ZFP82: variants seen among roughly 807,000 people sequenced by gnomAD.
ZFP82 encodes ZFP82 zinc finger protein, also known as zinc finger protein 82 homolog.
In ZFP82, 30 loss-of-function variants were observed where a neutral mutation model predicts 54.0. The ratio of observed to expected loss-of-function variants is 0.56; its 90% confidence interval spans 0.42 to 0.75. The LOEUF (loss-of-function observed/expected upper bound fraction) is 0.75. Among genes scored for constraint, ZFP82 ranks in the 30% least tolerant of loss-of-function variants. ZFP82 has a pLI of 0.00. For missense variants in ZFP82, 500 were observed against 636.8 expected, an observed-to-expected ratio of 0.79 and a Z score of 2.31; for synonymous variants, 194 against 209.5, an observed-to-expected ratio of 0.93 and a Z score of 0.64.
chr19:36,417,072 C>CAAAAA (rs140495874), intron 1 of ZFP82, among the ~76,000 whole-genome samples: 39 of 65,652 alleles, frequency 5.9e-4, no homozygotes, highest in Admixed American at 4.5e-4. Flanking sequence ...GACCCTGTCT[C>CAAAAA]AAAAAAAAAA....
chr19:36,409,764 A>G lies in ZFP82; in HGVS notation c.9+17T>C. 1 of 1,613,612 alleles carries G rather than the reference A, an allele frequency of 6.2e-7. No individual in the cohort carries two copies. Among genetic ancestry groups the G allele is most frequent in the Admixed American group, 1.7e-5 (1 of 59,992 alleles). ...ACCTTAACATGATAGTATTCCTAGGAGGAGAAAAAAACTTACAAGGGCCAT... is the reference window on the plus strand; with the variant it reads ...ACCTTAACATGATAGTATTCCTAGGGGGAGAAAAAAACTTACAAGGGCCAT... On this transcript the variant is annotated intron_variant, in intron 2 of 4. Coordinates refer to ENST00000392161, the MANE Select transcript of ZFP82 (RefSeq NM_133466.4).
intron 4 of ZFP82, among the ~76,000 whole-genome samples, chr19:36,401,938 C>G (rs575521066): frequency 1.4e-4 from 22 of 152,144 alleles, no homozygotes; most frequent in Non-Finnish European, 7.3e-5. Flanking sequence ...CATCTGTCCA[C>G]TTTTCTGAAG....
In ZFP82 at chr19:36,393,706, G is replaced by A; in HGVS notation, c.634C>T (p.His212Tyr). The change falls in exon 5 of 5, where the codon CAC becomes TAC. Residue 212 changes from histidine (H) to tyrosine (Y), a missense_variant. Physicochemically the swap from His to Tyr is moderately conservative, Grantham distance 83. Coordinates refer to ENST00000392161, the MANE Select transcript of ZFP82 (RefSeq NM_133466.4). ...ECGMAFRQTA[H>Y]LTRHQRLHSG... ...TGAAGTCTCTGATGTCGAGTAAGGT[G>A]TGCAGTCTGTCTGAAGGCCATCCCA... is the stretch of plus-strand genomic sequence containing the variant. 1 of 1,614,084 alleles carries A rather than the reference G, an allele frequency of 6.2e-7. No homozygotes were observed. Among genetic ancestry groups the A allele is most frequent in the Non-Finnish European group, 8.5e-7 (1 of 1,180,032 alleles).
chr19:36,402,468 C>CAAAAAAAAAAAAA (rs377338348), intron 4 of ZFP82, among the ~76,000 whole-genome samples: 1,166 of 57,336 alleles, frequency 0.02, 221 homozygotes, highest in Non-Finnish European at 0.027. Flanking sequence ...GACTCCATCT[C>CAAAAAAAAAAAAA]AAAAAAAAAA....
intron 1 of ZFP82, among the ~76,000 whole-genome samples, chr19:36,410,426 T>A (rs2032557230): frequency 1.0e-5 from 1 of 99,120 alleles, no homozygotes; most frequent in African/African-American, 3.6e-5. Flanking sequence ...TTGGGTGTTA[T>A]ATATGTATGT....
chr19:36,393,233 C>T lies in ZFP82; in HGVS notation c.1107G>A (p.Lys369=), dbSNP rs563025626. 6.2e-7 allele frequency: 1 copy of T among 1,613,922 alleles called. No homozygotes were observed. The highest frequency in any genetic ancestry group is 2.2e-5 in the East Asian group (1 of 44,870). The part of the protein sequence containing the change: ...IHTGEKPYEC[K]ECGKTFSRGY... ...CACGGCTAAAGGTCTTTCCACATTC[C>T]TTACATTCATAGGGTTTCTCACCAG... is the stretch of plus-strand genomic sequence containing the variant. Residue 369 remains lysine, a synonymous_variant, in exon 5 of 5, where the codon AAG becomes AAA. Coordinates refer to ENST00000392161, the MANE Select transcript of ZFP82 (RefSeq NM_133466.4).
At chr19:36,396,802 C>T (rs1223651346) in intron 4 of ZFP82, among the ~76,000 whole-genome samples, 2 of 150,400 alleles carry the variant, frequency 1.3e-5, no homozygotes, top group East Asian at 3.9e-4. Flanking sequence ...GTCTATGCCA[C>T]TGCACTCTGG....
intron 4 of ZFP82, among the ~76,000 whole-genome samples, chr19:36,397,205 G>C (rs2032310912): frequency 6.6e-6 from 1 of 150,538 alleles, no homozygotes; most frequent in African/African-American, 2.4e-5. Flanking sequence ...CAATCCTCCT[G>C]CCTCAGCCTC....
At chr19:36,414,358 A>C (rs1283022550) in intron 1 of ZFP82, among the ~76,000 whole-genome samples, 1 of 146,304 alleles carries the variant, frequency 6.8e-6, no homozygotes, top group Non-Finnish European at 1.5e-5. Context: ...TGAAAATGTA[A>C]TTCTACTTTT....
intron 4 of ZFP82, among the ~76,000 whole-genome samples, chr19:36,397,384 C>A (rs1190386244): frequency 1.3e-5 from 2 of 151,390 alleles, no homozygotes; most frequent in East Asian, 3.9e-4. Context: ...TGAGCCACCG[C>A]GCCTGGCCTC....
chr19:36,393,487 TAC>T lies in ZFP82; in HGVS notation c.851_852del (p.Cys284Ter), dbSNP rs1372527772. 1 of 1,614,162 alleles carries T rather than the reference TAC, an allele frequency of 6.2e-7. No individual in the cohort carries two copies. ...TGTCTAAAGGCTTTTCCACACTCTT[TAC>T]ACACATAGGGTTTCTCACCAGTATG... is the stretch of plus-strand genomic sequence containing the variant. ...RIHTGEKPYVCKECGKAFRQY... is the reference protein window; with the variant it reads ...RIHTGEKPYVXKECGKAFRQY... On this transcript the variant is annotated frameshift_variant, in exon 5 of 5. Transcript: ENST00000392161. LOFTEE classifies it high-confidence loss of function.
chr19:36,385,448 A>G (rs902084636), downstream of ZFP82, among the ~76,000 whole-genome samples: 2 of 152,248 alleles, frequency 1.3e-5, no homozygotes, highest in African/African-American at 4.8e-5. Flanking sequence ...CGCAGTTGCT[A>G]TAATGAATAA....
chr19:36,410,282 G>A (rs1257697787), intron 1 of ZFP82, among the ~76,000 whole-genome samples: 3 of 152,144 alleles, frequency 2.0e-5, no homozygotes, highest in African/African-American at 7.2e-5. Flanking sequence ...GTCAGAATCA[G>A]AATCATCCAC....
chr19:36,394,157 A>C, intron 4 of ZFP82, 47 bp from the exon 5 acceptor site: 1 of 1,486,970 alleles, frequency 6.7e-7, no homozygotes, highest in Non-Finnish European at 9.1e-7. Context: ...CTTTTACTAA[A>C]AGAAGCAACA....
Position 36,405,573 on chromosome 19 carries a change from C to A in ZFP82, c.229+7G>T. 6.2e-7 allele frequency: 1 copy of A among 1,605,700 alleles called. No individual in the cohort carries two copies. The highest frequency in any genetic ancestry group is 8.5e-7 in the Non-Finnish European group (1 of 1,173,984). On this transcript the variant is annotated splice_region_variant and intron_variant, in intron 4 of 4. Transcript: ENST00000392161. ...TGATGGCTTCTTCCTGCCCAACTAGCCCTCACCTGGATATTGTCTTCTTCC... is the reference window on the plus strand; with the variant it reads ...TGATGGCTTCTTCCTGCCCAACTAGACCTCACCTGGATATTGTCTTCTTCC...
At chr19:36,385,440 C>T (rs943384326), downstream of ZFP82, among the ~76,000 whole-genome samples, 2 of 152,170 alleles carry the variant, frequency 1.3e-5, no homozygotes, top group African/African-American at 4.8e-5. Context: ...GAAAAGTACG[C>T]AGTTGCTATA....
chr19:36,412,144 A>T (rs1010113667), intron 1 of ZFP82, among the ~76,000 whole-genome samples: 4 of 152,114 alleles, frequency 2.6e-5, no homozygotes, highest in African/African-American at 9.7e-5. Flanking sequence ...AAAATACACA[A>T]GGACATATAA....
chr19:36,397,457 A>C (rs955228626), intron 4 of ZFP82, among the ~76,000 whole-genome samples: 3 of 152,180 alleles, frequency 2.0e-5, no homozygotes, highest in Admixed American at 6.5e-5. Context: ...ACAGCAAGAA[A>C]GCACAGACAT....
At position 36,392,940 on chromosome 19, in the gene ZFP82, A is replaced by G; in HGVS notation, c.1400T>C (p.Leu467Pro). The change falls in exon 5 of 5, where the codon CTA (leucine) becomes CCA (proline). Residue 467 changes from leucine (L) to proline (P), a missense_variant. Leu to Pro is a moderately conservative substitution (Grantham distance 98). Transcript: ENST00000392161. The part of the protein sequence containing the change: ...KAFRLRQKLT[L>P]HQSIHTGEKP... Reference sequence around the variant, plus strand: ...TTCGCCAGTATGAATGCTCTGATGTAGAGTAAGTTTTTGGCGCAATCTAAA... The same window carrying G: ...TTCGCCAGTATGAATGCTCTGATGTGGAGTAAGTTTTTGGCGCAATCTAAA... The G allele has an allele frequency of 6.2e-7, 1 of 1,613,960 alleles. No individual in the cohort carries two copies. Among genetic ancestry groups the G allele is most frequent in the Non-Finnish European group, 8.5e-7 (1 of 1,179,938 alleles).
Sources: gnomAD v4.1 joint callset for allele counts (sites outside exome capture counted in the v4.1 genomes callset) on GRCh38, gnomAD v4.1.1 for gene constraint, MANE v1.5 for transcripts, NCBI Gene and HGNC (gene_info 2026-07-23, HGNC 2026-07-21) for gene names.